Variants in BRF1 observed in about 807,000 individuals in gnomAD.
BRF1 encodes BRF1 general transcription factor IIIB subunit.
In BRF1, 59 loss-of-function variants were observed where a neutral mutation model predicts 81.7. The observed-to-expected ratio is 0.72, with a 90% CI of 0.59 to 0.90. BRF1 has a LOEUF of 0.90. Ranked by LOEUF, BRF1 falls within the 40% of genes least tolerant of loss-of-function variation. BRF1 has a pLI of 0.00. For missense variants in BRF1, 1,050 were observed against 936.3 expected, an observed-to-expected ratio of 1.12 and a Z score of -1.58; for synonymous variants, 491 against 395.6, an observed-to-expected ratio of 1.24 and a Z score of -2.86.
intron 3 of BRF1, among the ~76,000 whole-genome samples, chr14:105,268,302 A>G (rs2056510959): frequency 6.6e-6 from 1 of 152,248 alleles, no homozygotes; most frequent in Admixed American, 6.5e-5. Context: ...TCTGCCCGGC[A>G]TGTCCAGGTC....
At chr14:105,215,987 GGCGCACACAC>G (rs1891195735) in intron 15 of BRF1, among the ~76,000 whole-genome samples, 2 of 113,960 alleles carry the variant, frequency 1.8e-5, no homozygotes, top group African/African-American at 8.2e-5. Flanking sequence ...TGCATACACA[GGCGCACACAC>G]ACATGCACAC....
intron 5 of BRF1, chr14:105,249,471 C>G (rs764547810): frequency 1.2e-6 from 2 of 1,612,960 alleles, no homozygotes; most frequent in Middle Eastern, 1.7e-4. Context: ...CTTTCTGATC[C>G]TCTTAAAGTA....
chr14:105,266,342 G>T (rs772457981), intron 3 of BRF1, among the ~76,000 whole-genome samples: 72 of 152,302 alleles, frequency 4.7e-4, no homozygotes, highest in Middle Eastern at 3.4e-3. Context: ...GAGCCAGGGA[G>T]TTGGAGGTTG....
chr14:105,221,255 G>A (rs371106189), intron 11 of BRF1, among the ~76,000 whole-genome samples: 5 of 152,302 alleles, frequency 3.3e-5, no homozygotes, highest in African/African-American at 9.6e-5. Context: ...TGGGGCAGGG[G>A]TGCCTCGTCA....
chr14:105,228,182 C>G (rs587618304), intron 7 of BRF1: 2 of 152,264 alleles, frequency 1.3e-5, no homozygotes, highest in African/African-American at 4.8e-5. Context: ...AAAAAGGAGA[C>G]GGACCAGGCT....
chr14:105,220,080 C>G lies in BRF1; in HGVS notation c.1366G>C (p.Glu456Gln), dbSNP rs1892035482. The G allele has an allele frequency of 6.2e-7, 1 of 1,613,008 alleles. No individual in the cohort carries two copies. Among genetic ancestry groups the G allele is most frequent in the Non-Finnish European group, 8.5e-7 (1 of 1,180,018 alleles). The stretch of plus-strand genomic sequence containing the variant: ...GTGCTGCCACGTACCCTGTCAATCT[C>G]CAGGTCATCAATGCCACTGAGGTCC... The part of the protein sequence containing the change: ...ELDLSGIDDL[E>Q]IDRYILNESE... Residue 456 changes from glutamate (E) to glutamine (Q), a missense_variant, in exon 12 of 18, where the codon GAG (glutamate) becomes CAG (glutamine). By Grantham distance (29) the Glu-to-Gln change is conservative. Transcript: ENST00000547530.
intron 2 of BRF1, among the ~76,000 whole-genome samples, chr14:105,285,541 G>A (rs1413553319): frequency 6.6e-6 from 1 of 152,192 alleles, no homozygotes; most frequent in African/African-American, 2.4e-5. Flanking sequence ...TGGAAAGAGA[G>A]GAAGGCGCAA....
intron 6 of BRF1, among the ~76,000 whole-genome samples, chr14:105,241,057 C>T (rs587723440): frequency 6.6e-6 from 1 of 152,220 alleles, no homozygotes; most frequent in Non-Finnish European, 1.5e-5. Context: ...GCCCCTTATG[C>T]CAGGACACGC....
chr14:105,276,190 C>G (rs71423837), intron 2 of BRF1, among the ~76,000 whole-genome samples: 3 of 5,630 alleles, frequency 5.3e-4, no homozygotes, highest in African/African-American at 1.7e-3. Flanking sequence ...AGCCGAGAGG[C>G]GGCCCTCACT....
intron 10 of BRF1, among the ~76,000 whole-genome samples, chr14:105,224,308 G>T (rs587728675): frequency 1.3e-5 from 2 of 152,344 alleles, no homozygotes; most frequent in South Asian, 4.1e-4. Flanking sequence ...GGTAGAGGTT[G>T]TGGTGAGCTG....
chr14:105,217,270 C>A, intron 15 of BRF1: 1 of 576,364 alleles, frequency 1.7e-6, no homozygotes, highest in Non-Finnish European at 3.1e-6. Flanking sequence ...CGGATTGTCC[C>A]AGCCCCTCCT....
intron 10 of BRF1, among the ~76,000 whole-genome samples, chr14:105,225,068 G>A (rs988941407): frequency 1.1e-4 from 17 of 152,176 alleles, no homozygotes; most frequent in Non-Finnish European, 1.9e-4. Context: ...CAGGAGCCTT[G>A]GGGGCTCCGG....
intron 3 of BRF1, among the ~76,000 whole-genome samples, chr14:105,270,489 T>G (rs67502922): frequency 0.036 from 5,396 of 151,628 alleles, 175 homozygotes; most frequent in African/African-American, 0.086. Flanking sequence ...TTTCAAAATG[T>G]TAAAAGGACA....
intron 1 of BRF1, among the ~76,000 whole-genome samples, chr14:105,286,927 C>T (rs1020317701): frequency 4.5e-4 from 69 of 152,320 alleles, no homozygotes; most frequent in African/African-American, 1.5e-3. Context: ...TCCCCCTTGC[C>T]CCAGGCCAGC....
intron 1 of BRF1, among the ~76,000 whole-genome samples, chr14:105,295,935 C>T (rs587765339): frequency 5.4e-4 from 82 of 151,534 alleles, no homozygotes; most frequent in African/African-American, 1.6e-3. Flanking sequence ...AAAAACCAGC[C>T]GGGTATGGTA....
intron 15 of BRF1, among the ~76,000 whole-genome samples, chr14:105,216,423 T>C (rs1054104792): frequency 1.3e-5 from 2 of 152,126 alleles, no homozygotes; most frequent in Non-Finnish European, 2.9e-5. Context: ...ACTGACCTCC[T>C]ACGCATGCCA....
intron 1 of BRF1, among the ~76,000 whole-genome samples, chr14:105,310,702 G>A (rs1426810532): frequency 6.6e-6 from 1 of 151,962 alleles, no homozygotes; most frequent in African/African-American, 2.4e-5. Context: ...TCCAGCCAGC[G>A]GCAGCTCACC....
At chr14:105,267,913 T>C (rs1182251238) in intron 3 of BRF1, among the ~76,000 whole-genome samples, 1 of 152,100 alleles carries the variant, frequency 6.6e-6, no homozygotes, top group African/African-American at 2.4e-5. Context: ...AGGAGCTGGG[T>C]CTGAAGGGAG....
intron 1 of BRF1, among the ~76,000 whole-genome samples, chr14:105,300,193 A>C (rs941104712): frequency 1.5e-4 from 23 of 152,008 alleles, no homozygotes; most frequent in Non-Finnish European, 4.4e-5. Flanking sequence ...GCTCTCTTCA[A>C]CCCTCCCTGT....
Sources: allele counts gnomAD v4.1 joint callset (sites outside exome capture counted in the v4.1 genomes callset), GRCh38; gene constraint gnomAD v4.1.1; transcripts MANE v1.5; gene names NCBI Gene and HGNC (gene_info 2026-07-23, HGNC 2026-07-21).